Variants in PDGFD observed in about 807,000 individuals in gnomAD.
The protein encoded by PDGFD is platelet-derived growth factor D.
In PDGFD, 30 loss-of-function variants were observed where a neutral mutation model predicts 44.7. That is an observed-to-expected ratio of 0.67 (90% CI 0.50 to 0.91). The LOEUF (loss-of-function observed/expected upper bound fraction) is 0.91, where lower values mean the gene tolerates loss of function less well. PDGFD is among the 40% of genes least tolerant of loss of function. PDGFD has a pLI of 0.00. For missense variants in PDGFD, 445 were observed against 457.8 expected, an observed-to-expected ratio of 0.97 and a Z score of 0.25; for synonymous variants, 173 against 168.4, an observed-to-expected ratio of 1.03 and a Z score of -0.21.
chr11:104,007,282 G>A (rs1209412350), intron 1 of PDGFD, among the ~76,000 whole-genome samples: 1 of 152,158 alleles, frequency 6.6e-6, no homozygotes, highest in Non-Finnish European at 1.5e-5. Flanking sequence ...ACACCTTGGT[G>A]TCTTTGACTG....
chr11:103,936,885 G>C (rs1404484531), intron 5 of PDGFD, among the ~76,000 whole-genome samples: 1 of 151,666 alleles, frequency 6.6e-6, no homozygotes, highest in Non-Finnish European at 1.5e-5. Flanking sequence ...GAGTGCAGTG[G>C]TGCAGTCACA....
chr11:104,080,185 C>CT (rs1861023943), intron 1 of PDGFD, among the ~76,000 whole-genome samples: 1 of 152,146 alleles, frequency 6.6e-6, no homozygotes, highest in South Asian at 2.1e-4. Context: ...TAGCACTGCC[C>CT]TGATCTAAAG....
rs955174749 is a variant in PDGFD at position 104,046,800 on chromosome 11, G to C, written c.125-46545C>G. On this transcript the variant is annotated intron_variant, in intron 1 of 6. Coordinates refer to ENST00000393158, the MANE Select transcript of PDGFD (RefSeq NM_025208.5). ...ATACATGTTTAGAACGTGAAGGTTTGTTACACAGGTATACGCATGCTATGG... is the reference window on the plus strand; with the variant it reads ...ATACATGTTTAGAACGTGAAGGTTTCTTACACAGGTATACGCATGCTATGG... 4.1e-5 allele frequency among the ~76,000 whole-genome samples: 6 copies of C among 146,678 alleles called. 2 individuals are homozygous for C. Among genetic ancestry groups the C allele is most frequent in the Non-Finnish European group, 9.1e-5 (6 of 65,838 alleles).
chr11:103,937,060 A>G (rs1159108300), intron 5 of PDGFD, among the ~76,000 whole-genome samples: 1 of 152,126 alleles, frequency 6.6e-6, no homozygotes, highest in Non-Finnish European at 1.5e-5. Context: ...TCCTGGGCTC[A>G]AGCGATCTGC....
chr11:104,027,480 CA>C (rs1335024144), intron 1 of PDGFD, among the ~76,000 whole-genome samples: 2 of 152,166 alleles, frequency 1.3e-5, no homozygotes, highest in African/African-American at 4.8e-5. Context: ...AAGTCCACAC[CA>C]AAATCCTATG....
chr11:103,925,513 T>C (rs1304317593), intron 6 of PDGFD, among the ~76,000 whole-genome samples: 1 of 151,822 alleles, frequency 6.6e-6, no homozygotes, highest in Non-Finnish European at 1.5e-5. Context: ...TCTGATATAT[T>C]AATTTTTCAG....
At chr11:104,074,823 A>C (rs1301456569) in intron 1 of PDGFD, among the ~76,000 whole-genome samples, 1 of 152,194 alleles carries the variant, frequency 6.6e-6, no homozygotes, top group Admixed American at 6.5e-5. Flanking sequence ...TCAGGTGCTG[A>C]TTGCCTGGGA....
intron 1 of PDGFD, among the ~76,000 whole-genome samples, chr11:104,110,015 G>GA (rs553553513): frequency 1.1e-4 from 17 of 151,706 alleles, no homozygotes; most frequent in African/African-American, 2.2e-4. Context: ...TGAATGCTTA[G>GA]AAAAAAAATC....
intron 2 of PDGFD, among the ~76,000 whole-genome samples, chr11:103,996,819 T>C (rs1859539617): frequency 6.6e-6 from 1 of 152,208 alleles, no homozygotes; most frequent in Non-Finnish European, 1.5e-5. Flanking sequence ...AAACTTATCA[T>C]GAAGGAAAGC....
intron 1 of PDGFD, among the ~76,000 whole-genome samples, chr11:104,028,093 G>C (rs929713703): frequency 1.3e-4 from 19 of 151,436 alleles, no homozygotes; most frequent in Non-Finnish European, 2.6e-4. Context: ...TGGAGACTGA[G>C]GCAGGAGAAT....
chr11:104,139,785 C>T lies in PDGFD; in HGVS notation c.124+24019G>A, dbSNP rs1391905105. On this transcript the variant is annotated intron_variant, in intron 1 of 6. Transcript: ENST00000393158. ...GGGCGCGGTGGCTCACGCCTGTAATCCCAGCACTTTGGGAGGCCGAGGCGG... is the reference window on the plus strand; with the variant it reads ...GGGCGCGGTGGCTCACGCCTGTAATTCCAGCACTTTGGGAGGCCGAGGCGG... Among the ~76,000 whole-genome samples the T allele has an allele frequency of 1.0e-4, 2 of 19,694 alleles. 1 individual carries two copies. Among genetic ancestry groups the T allele is most frequent in the African/African-American group, 1.1e-3 (2 of 1,864 alleles). 12.9% of individuals were successfully genotyped at this position (19,694 alleles called of 152,430 possible).
At chr11:104,101,102 G>C (rs1861370849) in intron 1 of PDGFD, among the ~76,000 whole-genome samples, 1 of 152,042 alleles carries the variant, frequency 6.6e-6, no homozygotes, top group Non-Finnish European at 1.5e-5. Context: ...TTCTGGCCAG[G>C]GCAATCCGGC....
At chr11:104,070,067 T>C (rs1364418413) in intron 1 of PDGFD, among the ~76,000 whole-genome samples, 3 of 152,182 alleles carry the variant, frequency 2.0e-5, no homozygotes, top group Non-Finnish European at 4.4e-5. Flanking sequence ...TCCCCATCAT[T>C]CTTTGAAGAT....
chr11:104,108,251 A>G (rs1364781765), intron 1 of PDGFD, among the ~76,000 whole-genome samples: 1 of 152,192 alleles, frequency 6.6e-6, no homozygotes, highest in Non-Finnish European at 1.5e-5. Flanking sequence ...AGAAACTACC[A>G]TCAGAGTGAA....
chr11:104,105,726 T>G (rs1277575457), intron 1 of PDGFD, among the ~76,000 whole-genome samples: 1 of 151,552 alleles, frequency 6.6e-6, no homozygotes, highest in Admixed American at 6.6e-5. Flanking sequence ...TAATGTCTCA[T>G]GGAGATAAAG....
intron 1 of PDGFD, among the ~76,000 whole-genome samples, chr11:104,154,543 G>A (rs936449937): frequency 1.3e-5 from 2 of 152,098 alleles, no homozygotes; most frequent in Non-Finnish European, 2.9e-5. Context: ...GAGGAGAGGA[G>A]GAAGAGACAT....
intron 3 of PDGFD, among the ~76,000 whole-genome samples, chr11:103,961,695 G>C (rs1368671263): frequency 6.6e-6 from 1 of 152,182 alleles, no homozygotes; most frequent in African/African-American, 2.4e-5. Context: ...AGGTATTTAT[G>C]GCTTCCACTA....
At chr11:103,970,060 AG>A (rs1859080766) in intron 3 of PDGFD, among the ~76,000 whole-genome samples, 1 of 152,076 alleles carries the variant, frequency 6.6e-6, no homozygotes, top group Non-Finnish European at 1.5e-5. Context: ...TACCTGGCAA[AG>A]GTCCTTCAGT....
rs576744937 is a variant in PDGFD at position 104,039,228 on chromosome 11, T to TA, written c.125-38974dup. ...TATGTTTTGATTACACTTAATTACT[T>TA]AGACAAATTAGTTCACCTACTTTAC... On this transcript the variant is annotated intron_variant, in intron 1 of 6. Transcript: ENST00000393158. 23 of 166,536 alleles carry TA rather than the reference T, an allele frequency of 1.4e-4. No individual in the cohort carries two copies. The South Asian group carries it at 3.3e-3, about 24-fold the overall frequency. 10.3% of individuals were successfully genotyped at this position (166,536 alleles called of 1,614,324 possible). A position where few individuals can be genotyped will look rare whatever the true frequency, so the allele number is the denominator to read the frequency against.
Sources: gnomAD v4.1 joint callset for allele counts (sites outside exome capture counted in the v4.1 genomes callset) on GRCh38, gnomAD v4.1.1 for gene constraint, MANE v1.5 for transcripts, NCBI Gene and HGNC (gene_info 2026-07-23, HGNC 2026-07-21) for gene names.